The following FRY variants were observed in gnomAD, a reference collection of about 807,000 sequenced individuals.
FRY encodes FRY microtubule binding protein.
In FRY, 128 loss-of-function variants were observed where a neutral mutation model predicts 348.4. The observed-to-expected ratio is 0.37, with a 90% CI of 0.32 to 0.43. The LOEUF (loss-of-function observed/expected upper bound fraction) is 0.43, where lower values mean the gene tolerates loss of function less well. Among genes scored for constraint, FRY ranks in the 20% least tolerant of loss-of-function variants. FRY has a pLI of 1.00. For synonymous variants in FRY, 1,370 were observed against 1,374.7 expected (o/e 1.00, Z 0.08); for missense variants, 2,736 against 3,695.2 (o/e 0.74, Z 6.73).
intron 17 of FRY, among the ~76,000 whole-genome samples, chr13:32,170,072 G>A (rs368679620): frequency 6.6e-6 from 1 of 152,156 alleles, no homozygotes; most frequent in South Asian, 2.1e-4. Flanking sequence ...ACCCCAAGGT[G>A]CACAGCCAGA....
intron 16 of FRY, 142 bp downstream of exon 16, chr13:32,157,547 A>G (rs1443743276): frequency 1.4e-6 from 1 of 713,648 alleles, no homozygotes; most frequent in Non-Finnish European, 2.3e-6. Flanking sequence ...AAACCTTCAC[A>G]GTATTTGATT....
intron 36 of FRY, among the ~76,000 whole-genome samples, chr13:32,220,758 A>G (rs1196502217): frequency 6.6e-6 from 1 of 152,222 alleles, no homozygotes; most frequent in Non-Finnish European, 1.5e-5. Flanking sequence ...CAGAAATCTC[A>G]CAATTTACTT....
At chr13:32,100,132 G>A (rs1877057692) in intron 2 of FRY, among the ~76,000 whole-genome samples, 1 of 145,346 alleles carries the variant, frequency 6.9e-6, no homozygotes, top group Non-Finnish European at 1.6e-5. Context: ...TTAAGATGGA[G>A]TCTTGCTCTG....
intron 33 of FRY, among the ~76,000 whole-genome samples, chr13:32,210,583 G>A (rs1015467160): frequency 6.6e-6 from 1 of 152,170 alleles, no homozygotes; most frequent in African/African-American, 2.4e-5. Context: ...TTGATGGCAA[G>A]TTTTCAGTTT....
At chr13:32,218,698 C>T (rs950567241) in intron 35 of FRY, 51 bp from the exon 36 acceptor site, 14 of 892,240 alleles carry the variant, frequency 1.6e-5, no homozygotes, top group Admixed American at 9.1e-5. Flanking sequence ...AAAAAAAAAG[C>T]GCATATGCAC....
rs2138668485 is a variant in FRY at position 32,295,629 on chromosome 13, A to G, written c.*169A>G. On this transcript the variant is annotated 3_prime_UTR_variant, in exon 61 of 61. Coordinates refer to ENST00000542859, the MANE Select transcript of FRY (RefSeq NM_023037.3). ...GGCAGAACTTCCAACGTGTAGCAATACTATAAGAACCAAGGTAGCTTAGAA... is the reference window on the plus strand; with the variant it reads ...GGCAGAACTTCCAACGTGTAGCAATGCTATAAGAACCAAGGTAGCTTAGAA... The G allele has an allele frequency of 1.5e-6, 1 of 647,924 alleles. No homozygotes were observed. The highest frequency in any genetic ancestry group is 2.7e-5 in the East Asian group (1 of 36,796). The allele number at this position is 647,924 out of a possible 1,614,324, so 40.1% of individuals were successfully genotyped here. A position where few individuals can be genotyped will look rare whatever the true frequency, so the allele number is the denominator to read the frequency against.
chr13:32,151,315 C>A (rs1468149811), intron 14 of FRY, among the ~76,000 whole-genome samples: 1 of 152,156 alleles, frequency 6.6e-6, no homozygotes, highest in African/African-American at 2.4e-5. Flanking sequence ...AAAATATATA[C>A]CAATAGGAGT....
chr13:32,126,073 G>A (rs1180667143), intron 7 of FRY, among the ~76,000 whole-genome samples: 1 of 152,186 alleles, frequency 6.6e-6, no homozygotes, highest in East Asian at 1.9e-4. Flanking sequence ...GCATTTTGGA[G>A]ATATTTCCAT....
Position 32,208,881 on chromosome 13 carries a change from C to T in FRY, c.4047C>T (p.His1349=). 6.2e-7 allele frequency: 1 copy of T among 1,614,168 alleles called. No homozygotes were observed. The highest frequency in any genetic ancestry group is 8.5e-7 in the Non-Finnish European group (1 of 1,180,008). ...SEVSQRFPTT[H]PNGRQIMLTY... Reference sequence around the variant, plus strand: ...TAAGCCAGCGATTCCCCACAACACACCCCAACGGGCGCCAGATCATGCTTA... The same window carrying T: ...TAAGCCAGCGATTCCCCACAACACATCCCAACGGGCGCCAGATCATGCTTA... Residue 1349 remains histidine (H), a synonymous_variant, in exon 32 of 61, where the codon CAC becomes CAT. Transcript: ENST00000542859.
At chr13:32,111,850 C>T (rs1030505079) in intron 3 of FRY, among the ~76,000 whole-genome samples, 1 of 152,170 alleles carries the variant, frequency 6.6e-6, no homozygotes, top group African/African-American at 2.4e-5. Context: ...GAGTTACTAT[C>T]CTCAGTGTCC....
chr13:32,227,296 A>G (rs938323313), intron 39 of FRY, among the ~76,000 whole-genome samples: 4 of 152,180 alleles, frequency 2.6e-5, no homozygotes, highest in Non-Finnish European at 4.4e-5. Flanking sequence ...TTAAATACAC[A>G]CTAAAAATGT....
chr13:32,036,071 T>C (rs758158808), intron 1 of FRY, among the ~76,000 whole-genome samples: 6 of 152,150 alleles, frequency 3.9e-5, no homozygotes, highest in Non-Finnish European at 8.8e-5. Context: ...CAGAGCAGTG[T>C]TTATTGATGC....
chr13:32,057,756 G>C (rs546917212), intron 1 of FRY, among the ~76,000 whole-genome samples: 2 of 152,200 alleles, frequency 1.3e-5, no homozygotes, highest in Non-Finnish European at 2.9e-5. Flanking sequence ...TCAGGAGATG[G>C]AGACCATCCT....
intron 54 of FRY, among the ~76,000 whole-genome samples, chr13:32,266,704 C>G (rs1459997644): frequency 6.6e-6 from 1 of 152,192 alleles, no homozygotes. Flanking sequence ...TGACCTCTTG[C>G]CAGGTGCGGT....
intron 1 of FRY, among the ~76,000 whole-genome samples, chr13:32,073,832 T>G (rs1412486516): frequency 6.6e-6 from 1 of 152,242 alleles, no homozygotes; most frequent in Non-Finnish European, 1.5e-5. Flanking sequence ...CATTAGCCTC[T>G]AGGGCTCTTA....
At chr13:32,271,196 G>A (rs941455226) in intron 55 of FRY, among the ~76,000 whole-genome samples, 2 of 152,208 alleles carry the variant, frequency 1.3e-5, no homozygotes, top group African/African-American at 4.8e-5. Flanking sequence ...TGGAAAAGGA[G>A]TACAGTGAAG....
At chr13:32,289,382 C>T (rs1324757272) in intron 58 of FRY, among the ~76,000 whole-genome samples, 1 of 152,158 alleles carries the variant, frequency 6.6e-6, no homozygotes, top group African/African-American at 2.4e-5. Flanking sequence ...TTTGGTTGTT[C>T]ACTCAGTCCC....
chr13:32,141,163 A>G (rs558758324), intron 11 of FRY, among the ~76,000 whole-genome samples: 144 of 152,334 alleles, frequency 9.5e-4, no homozygotes, highest in African/African-American at 3.4e-3. Flanking sequence ...GATGACAAGC[A>G]CGTTATTTTC....
chr13:32,224,458 C>A, intron 37 of FRY, 73 bp downstream of exon 37: 1 of 1,379,406 alleles, frequency 7.2e-7, no homozygotes, highest in Non-Finnish European at 1.0e-6. Flanking sequence ...AGAGAAAAAC[C>A]TAGTCCAGGT....
Sources: gnomAD v4.1 joint callset for allele counts (sites outside exome capture counted in the v4.1 genomes callset) on GRCh38, gnomAD v4.1.1 for gene constraint, MANE v1.5 for transcripts, NCBI Gene and HGNC (gene_info 2026-07-23, HGNC 2026-07-21) for gene names.